Variants in TPCN1 observed in about 807,000 individuals in gnomAD.
The protein encoded by TPCN1 is two pore segment channel 1.
TPCN1 carries 52 observed loss-of-function variants against 108.8 expected under a neutral mutation model. That is an observed-to-expected ratio of 0.48 (90% CI 0.38 to 0.60). The LOEUF (loss-of-function observed/expected upper bound fraction) is 0.60. Among genes scored for constraint, TPCN1 ranks in the 20% least tolerant of loss-of-function variants. The pLI, the probability that TPCN1 is intolerant of heterozygous loss-of-function variation, is 0.00. For synonymous variants in TPCN1, 446 were observed against 433.7 expected (o/e 1.03, Z -0.35); for missense variants, 806 against 1,072.8 (o/e 0.75, Z 3.47).
At chr12:113,247,464 G>A (rs751719196) in intron 2 of TPCN1, among the ~76,000 whole-genome samples, 16 of 152,320 alleles carry the variant, frequency 1.1e-4, no homozygotes, top group Non-Finnish European at 1.8e-4. Flanking sequence ...TACCTTCTGC[G>A]GGAACAACGC....
intron 2 of TPCN1, among the ~76,000 whole-genome samples, chr12:113,259,599 G>C (rs1485363859): frequency 6.6e-6 from 1 of 152,200 alleles, no homozygotes; most frequent in Non-Finnish European, 1.5e-5. Flanking sequence ...TCCCCATGTG[G>C]TGGCAGAGGC....
At chr12:113,279,480 C>A (rs1415392517) in intron 14 of TPCN1, among the ~76,000 whole-genome samples, 1 of 142,002 alleles carries the variant, frequency 7.0e-6, no homozygotes, top group Non-Finnish European at 1.5e-5. Context: ...CTCACTGCAA[C>A]CTCCGCCTCC....
At position 113,297,123 on chromosome 12, in the gene TPCN1, G is replaced by C. The variant is rs1054281062; in HGVS notation, c.*1047G>C. ...TTCCATAGCAGGAGCGGTTGGTGCA[G>C]AAGTAGGTTCAGATGAACCTCAGTT... On this transcript the variant is annotated 3_prime_UTR_variant, in exon 28 of 28. Coordinates refer to ENST00000335509, the MANE Select transcript of TPCN1 (RefSeq NM_017901.6). This position sits in a 1 kb window ranked among gnomAD's most constrained non-coding sequence, Gnocchi z 4.4. The C allele has an allele frequency of 1.3e-5, 2 of 152,386 alleles. No individual in the cohort carries two copies. The highest frequency in any genetic ancestry group is 4.8e-5 in the African/African-American group (2 of 41,380). 9.4% of individuals were successfully genotyped at this position (152,386 alleles called of 1,614,324 possible). A position where few individuals can be genotyped will look rare whatever the true frequency, so the allele number is the denominator to read the frequency against.
At position 113,269,793 on chromosome 12, in the gene TPCN1, C is replaced by T. The variant is rs147702442; in HGVS notation, c.696C>T (p.Phe232=). ...LRQIFQSLPP[F]MDILLLLLFF... ...AGATCTTCCAGTCCCTGCCGCCCTT[C>T]ATGGACATCCTCCTGCTGCTGCTGT... The change falls in exon 7 of 28, where the codon TTC becomes TTT. Residue 232 remains phenylalanine, a synonymous_variant. Coordinates refer to ENST00000335509, the MANE Select transcript of TPCN1 (RefSeq NM_017901.6). This position sits in a 1 kb window ranked among gnomAD's most constrained non-coding sequence, Gnocchi z 5.0. 1,105 of 1,614,056 alleles carry T rather than the reference C, an allele frequency of 6.8e-4. 10 individuals are homozygous for T. The highest frequency in any genetic ancestry group is 4.4e-3 in the South Asian group (399 of 91,082).
chr12:113,236,980 A>G (rs1593085549), intron 2 of TPCN1, among the ~76,000 whole-genome samples: 1 of 152,342 alleles, frequency 6.6e-6, no homozygotes, highest in South Asian at 2.1e-4. Context: ...CAGAGCAGGC[A>G]TATCTGTTTT....
chr12:113,268,663 C>T lies in TPCN1; in HGVS notation c.529-79C>T, dbSNP rs1467800962. ...CCCGAGGCCAGAGTGGGCACTGCCT[C>T]TCCAGCCCCCCGTTCCAGGTATGCA... On this transcript the variant is annotated intron_variant, in intron 5 of 27. Transcript: ENST00000335509. The surrounding 1 kb of genome is among the most constrained non-coding windows in gnomAD (Gnocchi z 7.3). The T allele has an allele frequency of 2.5e-5, 39 of 1,570,118 alleles. No homozygotes were observed. Among genetic ancestry groups the T allele is most frequent in the South Asian group, 3.5e-5 (3 of 86,466 alleles).
At chr12:113,277,137 C>T (rs1955701638) in intron 11 of TPCN1, 102 bp downstream of exon 11, 2 of 1,601,250 alleles carry the variant, frequency 1.2e-6, no homozygotes, top group Admixed American at 1.7e-5. Flanking sequence ...AAACCAGGAA[C>T]CCTGCCCTTG....
intron 3 of TPCN1, among the ~76,000 whole-genome samples, chr12:113,265,843 C>G (rs1299374478): frequency 1.3e-5 from 2 of 152,120 alleles, no homozygotes; most frequent in African/African-American, 2.4e-5. Flanking sequence ...GTTGCCCAGG[C>G]TAGACTCAAA....
chr12:113,277,241 G>A lies in TPCN1; in HGVS notation c.1061G>A (p.Arg354Lys). 2 of 1,612,904 alleles carry A rather than the reference G, an allele frequency of 1.2e-6. No homozygotes were observed. Among genetic ancestry groups the A allele is most frequent in the Non-Finnish European group, 1.7e-6 (2 of 1,179,448 alleles). ...HAYRLLISQR[R>K]PAGISYRQFE... ...ACACTGCTCTTCCCTCTCCCCCAGA[G>A]GCCTGCCGGCATCTCCTACAGGCAG... The change falls in exon 12 of 28, where the codon AGG becomes AAG. Residue 354 changes from arginine (R) to lysine (K), a missense_variant and splice_region_variant. Transcript: ENST00000335509.
At position 113,288,149 on chromosome 12, in the gene TPCN1, T is replaced by A. The variant is rs778286303; in HGVS notation, c.1635-14T>A. The A allele has an allele frequency of 3.1e-6, 5 of 1,608,950 alleles. No individual in the cohort carries two copies. Among genetic ancestry groups the A allele is most frequent in the Admixed American group, 3.3e-5 (2 of 59,704 alleles). On this transcript the variant is annotated splice_polypyrimidine_tract_variant and intron_variant, in intron 19 of 27. Transcript: ENST00000335509. The surrounding 1 kb of genome is among the most constrained non-coding windows in gnomAD (Gnocchi z 4.8). Reference sequence around the variant, plus strand: ...CACCTGTGTGTGGAGGTGACGGGTGTCCTCCTCGCTCAGGTTGTTTAAGTT... The same window carrying A: ...CACCTGTGTGTGGAGGTGACGGGTGACCTCCTCGCTCAGGTTGTTTAAGTT...
intron 13 of TPCN1, 110 bp downstream of exon 13, chr12:113,278,347 A>G: frequency 9.9e-7 from 1 of 1,011,870 alleles, no homozygotes; most frequent in Non-Finnish European, 1.6e-6. Context: ...AGAGCAGCTC[A>G]GCCCCCAGCT....
chr12:113,285,832 C>T, intron 17 of TPCN1, 57 bp from the exon 18 acceptor site: 1 of 1,480,914 alleles, frequency 6.8e-7, no homozygotes, highest in East Asian at 2.3e-5. Flanking sequence ...AAAGAGGAGA[C>T]CGAGCATGGG....
intron 27 of TPCN1, 31 bp downstream of exon 27, chr12:113,293,380 CT>C: frequency 6.2e-7 from 1 of 1,601,934 alleles, no homozygotes; most frequent in South Asian, 1.1e-5. Flanking sequence ...GCTGCGAATC[CT>C]CCCCCAAGCT....
chr12:113,261,779 CT>C (rs1256082042), intron 3 of TPCN1, among the ~76,000 whole-genome samples: 1 of 152,114 alleles, frequency 6.6e-6, no homozygotes, highest in Non-Finnish European at 1.5e-5. Flanking sequence ...TTTACTTAAC[CT>C]GATAATCTTG....
intron 2 of TPCN1, among the ~76,000 whole-genome samples, chr12:113,239,842 T>C (rs1210155864): frequency 6.6e-6 from 1 of 152,206 alleles, no homozygotes; most frequent in Non-Finnish European, 1.5e-5. Flanking sequence ...TCTCTCTTTT[T>C]GTTAGATTGG....
At position 113,252,100 on chromosome 12, in the gene TPCN1, C is replaced by T. The variant is rs539388639; in HGVS notation, c.113-8268C>T. Among the ~76,000 whole-genome samples, 88 of 152,274 alleles carry T rather than the reference C, an allele frequency of 5.8e-4. 1 individual carries two copies. Among genetic ancestry groups the T allele is most frequent in the African/African-American group, 1.8e-3 (73 of 41,550 alleles). ...AGGGCAGCCAGAAGCTTGGTCCTTC[C>T]TGTCTCAGTGGTCCTTGTGGATTTC... is the stretch of plus-strand genomic sequence containing the variant. On this transcript the variant is annotated intron_variant, in intron 2 of 27. Coordinates refer to ENST00000335509, the MANE Select transcript of TPCN1 (RefSeq NM_017901.6).
chr12:113,246,332 C>T (rs1330079853), intron 2 of TPCN1, among the ~76,000 whole-genome samples: 1 of 152,194 alleles, frequency 6.6e-6, no homozygotes, highest in Non-Finnish European at 1.5e-5. Context: ...TCTGGTTTTC[C>T]CAAGAGAGCT....
At chr12:113,279,891 G>A (rs1253420522) in intron 14 of TPCN1, among the ~76,000 whole-genome samples, 1 of 152,090 alleles carries the variant, frequency 6.6e-6, no homozygotes, top group Non-Finnish European at 1.5e-5. Flanking sequence ...GCTCTATCTT[G>A]GTTCCAGGTT....
At position 113,232,985 on chromosome 12, in the gene TPCN1, C is replaced by T. The variant is rs77951457; in HGVS notation, c.112+6021C>T. Among the ~76,000 whole-genome samples, 717 of 152,338 alleles carry T rather than the reference C, an allele frequency of 4.7e-3. 9 individuals are homozygous for T. The highest frequency in any genetic ancestry group is 0.016 in the African/African-American group (654 of 41,584). On this transcript the variant is annotated intron_variant, in intron 2 of 27. Transcript: ENST00000335509. This position sits in a 1 kb window ranked among gnomAD's most constrained non-coding sequence, Gnocchi z 5.6. ...CTTGGGCATTTGGCTCCGCTGGAGT[C>T]ATTCCCCTGGCTTTTTCAGGGCCTC...
Sources: gnomAD v4.1 joint callset for allele counts (sites outside exome capture counted in the v4.1 genomes callset) on GRCh38, gnomAD v4.1.1 for gene constraint, Gnocchi (gnomAD v3.1) non-coding constraint, MANE v1.5 for transcripts, NCBI Gene and HGNC (gene_info 2026-07-23, HGNC 2026-07-21) for gene names.